Variants in EXOC4 observed in about 807,000 individuals in gnomAD.
EXOC4 encodes the protein SEC8-like 1.
EXOC4 carries 71 observed loss-of-function variants against 107.2 expected under a neutral mutation model. The observed-to-expected ratio is 0.66, with a 90% confidence interval of 0.55 to 0.81. The LOEUF is 0.81. Among genes scored for constraint, EXOC4 ranks in the 30% least tolerant of loss-of-function variants. The pLI, the probability that EXOC4 is intolerant of heterozygous loss-of-function variation, is 0.00. For synonymous variants in EXOC4, 456 were observed against 441.2 expected (o/e 1.03, Z -0.42); for missense variants, 1,108 against 1,189.6 (o/e 0.93, Z 1.01).
At chr7:133,370,691 G>C (rs1584860602) in intron 6 of EXOC4, among the ~76,000 whole-genome samples, 1 of 152,294 alleles carries the variant, frequency 6.6e-6, no homozygotes, top group East Asian at 1.9e-4. Flanking sequence ...TTTCCCTTTG[G>C]CTTAGTGATT....
intron 9 of EXOC4, among the ~76,000 whole-genome samples, chr7:133,626,514 A>G (rs181116519): frequency 3.3e-5 from 5 of 152,308 alleles, no homozygotes; most frequent in African/African-American, 9.6e-5. Flanking sequence ...TGAAACTGGA[A>G]GAGTATATGA....
At chr7:134,023,466 T>A (rs1430396422) in intron 17 of EXOC4, among the ~76,000 whole-genome samples, 1 of 152,148 alleles carries the variant, frequency 6.6e-6, no homozygotes, top group African/African-American at 2.4e-5. Context: ...TAATAACTAC[T>A]ATGAATTGAG....
At position 133,576,390 on chromosome 7, in the gene EXOC4, A is replaced by AGAAAAG; in HGVS notation, c.1418-53655_1418-53654insGAAAAG. 4 of 973,246 alleles carry AGAAAAG rather than the reference A, an allele frequency of 4.1e-6. No homozygotes were observed. The South Asian group carries it at 5.1e-5, about 12-fold the overall frequency. 60.3% of individuals were successfully genotyped at this position (973,246 alleles called of 1,614,324 possible). The stretch of plus-strand genomic sequence containing the variant: ...TGGTTGGCTTGTTTCTTTCATTTTA[A>AGAAAAG]TCTGTTGTCTCCGTCACAGTCAAAT... On this transcript the variant is annotated intron_variant, in intron 9 of 17. Coordinates refer to ENST00000253861, the MANE Select transcript of EXOC4 (RefSeq NM_021807.4).
intron 11 of EXOC4, among the ~76,000 whole-genome samples, chr7:133,853,761 G>A (rs1798290518): frequency 6.6e-6 from 1 of 152,038 alleles, no homozygotes; most frequent in South Asian, 2.1e-4. Flanking sequence ...ATTCATCTCT[G>A]AGGAATGTCT....
chr7:133,633,487 G>A (rs1802637270), intron 10 of EXOC4, among the ~76,000 whole-genome samples: 1 of 152,168 alleles, frequency 6.6e-6, no homozygotes, highest in Admixed American at 6.5e-5. Flanking sequence ...GGGAAGCCGA[G>A]GTGGGTGGAT....
chr7:133,855,118 T>TATATATAA lies in EXOC4; in HGVS notation c.1734+37581_1734+37582insAATATATA, dbSNP rs1235039915. Among the ~76,000 whole-genome samples, 397 of 94,812 alleles carry TATATATAA rather than the reference T, an allele frequency of 4.2e-3. 5 individuals are homozygous for TATATATAA. Among genetic ancestry groups the TATATATAA allele is most frequent in the Middle Eastern group, 0.015 (3 of 206 alleles). 62.2% of individuals were successfully genotyped at this position (94,812 alleles called of 152,430 possible). ...ATATATATATAAATATATATAAATATATATATATAAATATATATATATATA... is the reference window on the plus strand; with the variant it reads ...ATATATATATAAATATATATAAATATATATATAAATATATATAAATATATATATATATA... On this transcript the variant is annotated intron_variant, in intron 11 of 17. Transcript: ENST00000253861.
intron 9 of EXOC4, among the ~76,000 whole-genome samples, chr7:133,595,435 A>G (rs1246734235): frequency 6.6e-6 from 1 of 152,144 alleles, no homozygotes; most frequent in East Asian, 1.9e-4. Flanking sequence ...TTTCCCACAA[A>G]TGTCTATTTT....
At chr7:133,506,055 T>TA (rs1437569607) in intron 9 of EXOC4, among the ~76,000 whole-genome samples, 2 of 152,178 alleles carry the variant, frequency 1.3e-5, no homozygotes, top group Non-Finnish European at 2.9e-5. Flanking sequence ...AAATGAGAGA[T>TA]ACGCTGGAAA....
At chr7:133,830,439 G>A (rs1484291749) in intron 11 of EXOC4, among the ~76,000 whole-genome samples, 7 of 152,190 alleles carry the variant, frequency 4.6e-5, no homozygotes, top group Non-Finnish European at 8.8e-5. Context: ...TTGCTTTAGA[G>A]CCAAAAGAAA....
At chr7:133,804,190 C>A (rs561518992) in intron 10 of EXOC4, among the ~76,000 whole-genome samples, 55 of 152,180 alleles carry the variant, frequency 3.6e-4, no homozygotes, top group Non-Finnish European at 6.0e-4. Context: ...ACTGTTCAGG[C>A]AAAGTGTAGA....
chr7:133,857,168 A>T (rs868235845), intron 11 of EXOC4, among the ~76,000 whole-genome samples: 1 of 13,370 alleles, frequency 7.5e-5, no homozygotes, highest in African/African-American at 4.4e-4. Flanking sequence ...ATATATATAT[A>T]TATATATATA....
chr7:133,588,016 A>C (rs1013810672), intron 9 of EXOC4, among the ~76,000 whole-genome samples: 4 of 152,118 alleles, frequency 2.6e-5, no homozygotes, highest in African/African-American at 9.7e-5. Flanking sequence ...TCCCTTGAGG[A>C]TTTGACATTT....
chr7:133,994,299 CT>C (rs1469664830), intron 14 of EXOC4, among the ~76,000 whole-genome samples: 1 of 152,062 alleles, frequency 6.6e-6, no homozygotes, highest in East Asian at 1.9e-4. Flanking sequence ...TGAACTCATT[CT>C]TTTTTATGGC....
At chr7:133,404,638 T>G (rs2150736585) in intron 7 of EXOC4, among the ~76,000 whole-genome samples, 1 of 152,276 alleles carries the variant, frequency 6.6e-6, no homozygotes, top group African/African-American at 2.4e-5. Flanking sequence ...TTTTCTTGGC[T>G]CAACTGGGAA....
chr7:133,632,020 T>C (rs1802603809), intron 10 of EXOC4, among the ~76,000 whole-genome samples: 1 of 152,148 alleles, frequency 6.6e-6, no homozygotes, highest in Admixed American at 6.5e-5. Flanking sequence ...AGATTTTTCC[T>C]CTAAGTTTTT....
At chr7:133,847,098 A>C (rs1285372202) in intron 11 of EXOC4, among the ~76,000 whole-genome samples, 4 of 152,196 alleles carry the variant, frequency 2.6e-5, no homozygotes. Context: ...CATAATGATT[A>C]AGGTAGTTAG....
intron 9 of EXOC4, among the ~76,000 whole-genome samples, chr7:133,560,288 A>AT (rs536258061): frequency 2.5e-4 from 38 of 151,764 alleles, no homozygotes; most frequent in Admixed American, 1.5e-3. Flanking sequence ...ATTTTATTTT[A>AT]TTTATTTATT....
intron 10 of EXOC4, among the ~76,000 whole-genome samples, chr7:133,768,637 T>A (rs909568229): frequency 6.6e-6 from 1 of 151,974 alleles, no homozygotes; most frequent in South Asian, 2.1e-4. Flanking sequence ...TTGTATCTGG[T>A]TCATAGTAAA....
At chr7:133,309,162 GC>G (rs752218264) in intron 4 of EXOC4, among the ~76,000 whole-genome samples, 23 of 152,126 alleles carry the variant, frequency 1.5e-4, no homozygotes, top group Non-Finnish European at 3.4e-4. Context: ...TTCTTTTCTA[GC>G]CCTGGGTGGG....
Sources: allele counts gnomAD v4.1 joint callset (sites outside exome capture counted in the v4.1 genomes callset), GRCh38; gene constraint gnomAD v4.1.1; transcripts MANE v1.5; gene names NCBI Gene and HGNC (gene_info 2026-07-23, HGNC 2026-07-21).